The following APP variants were observed in gnomAD, a reference collection of about 807,000 sequenced individuals.
APP encodes amyloid-beta precursor protein.
APP carries 31 observed loss-of-function variants against 101.4 expected under a neutral mutation model. The observed-to-expected ratio is 0.31, with a 90% confidence interval of 0.23 to 0.41. APP has a LOEUF of 0.41. Among genes scored for constraint, APP ranks in the 10% least tolerant of loss-of-function variants. The pLI, the probability that APP is intolerant of heterozygous loss-of-function variation, is 1.00. For synonymous variants in APP, 366 were observed against 364.4 expected, an observed-to-expected ratio of 1.00 and a Z score of -0.05; for missense variants, 839 against 1,003.7, an observed-to-expected ratio of 0.84 and a Z score of 2.22.
intron 3 of APP, among the ~76,000 whole-genome samples, chr21:26,065,447 A>G (rs997431333): frequency 1.3e-5 from 2 of 152,224 alleles, no homozygotes; most frequent in Non-Finnish European, 2.9e-5. Flanking sequence ...AAATATAAGT[A>G]ATGTGGCATT....
chr21:26,074,545 G>A (rs1298883124), intron 3 of APP, among the ~76,000 whole-genome samples: 1 of 152,218 alleles, frequency 6.6e-6, no homozygotes, highest in African/African-American at 2.4e-5. Context: ...GAGGTCAGGA[G>A]ATCGAGACCA....
chr21:25,917,913 A>T (rs1456138101), intron 13 of APP, among the ~76,000 whole-genome samples: 10 of 151,276 alleles, frequency 6.6e-5, no homozygotes, highest in Non-Finnish European at 1.2e-4. Flanking sequence ...GCCAACAAAC[A>T]TATGAAAAAA....
At chr21:26,070,215 G>A (rs1324581302) in intron 3 of APP, among the ~76,000 whole-genome samples, 1 of 152,040 alleles carries the variant, frequency 6.6e-6, no homozygotes, top group Non-Finnish European at 1.5e-5. Flanking sequence ...GTTCAAACAC[G>A]GATAGACCCC....
At chr21:26,056,518 A>G (rs891279203) in intron 3 of APP, among the ~76,000 whole-genome samples, 4 of 152,194 alleles carry the variant, frequency 2.6e-5, no homozygotes, top group Admixed American at 2.6e-4. Context: ...AGAGGTTGGC[A>G]AACTACTACT....
Position 25,942,460 on chromosome 21 carries a change from G to C in APP, c.1687+12130C>G, listed in dbSNP as rs1258849191. The C allele has an allele frequency of 6.6e-5, 10 of 152,302 alleles. No individual in the cohort carries two copies. The East Asian group carries it at 1.9e-3, about 29-fold the overall frequency. 9.4% of individuals were successfully genotyped at this position (152,302 alleles called of 1,614,324 possible). A position where few individuals can be genotyped will look rare whatever the true frequency, so the allele number is the denominator to read the frequency against. On this transcript the variant is annotated intron_variant, in intron 13 of 17. Coordinates refer to ENST00000346798, the MANE Select transcript of APP (RefSeq NM_000484.4). ...GCTAATAAATTTCAGCAAACGATAGGAGTAAGAACGGCTGTCTAACGAGAC... is the reference window on the plus strand; with the variant it reads ...GCTAATAAATTTCAGCAAACGATAGCAGTAAGAACGGCTGTCTAACGAGAC...
chr21:25,893,833 G>A (rs1360551997), intron 16 of APP, among the ~76,000 whole-genome samples: 1 of 152,206 alleles, frequency 6.6e-6, no homozygotes, highest in East Asian at 1.9e-4. Flanking sequence ...CTAAATAACA[G>A]ATTTTCAGTG....
chr21:26,164,855 CA>C (rs75432330), intron 1 of APP, among the ~76,000 whole-genome samples: 12,110 of 67,220 alleles, frequency 0.18, 458 homozygotes, highest in South Asian at 0.27. Flanking sequence ...GATTCTGTCT[CA>C]AAAAAAAAAA....
chr21:26,023,160 T>G (rs1161614282), intron 5 of APP, among the ~76,000 whole-genome samples: 1 of 152,190 alleles, frequency 6.6e-6, no homozygotes, highest in Non-Finnish European at 1.5e-5. Flanking sequence ...GCTTATGTTT[T>G]GTAGAAAACC....
intron 13 of APP, among the ~76,000 whole-genome samples, chr21:25,938,592 T>TA (rs2040447868): frequency 6.6e-6 from 1 of 151,948 alleles, no homozygotes; most frequent in Admixed American, 6.5e-5. Context: ...CAGATCTCTG[T>TA]AGGTCTGAGG....
chr21:25,976,092 A>G, intron 9 of APP, 64 bp from the exon 10 acceptor site: 1 of 1,302,208 alleles, frequency 7.7e-7, no homozygotes, highest in Non-Finnish European at 1.1e-6. Flanking sequence ...CAGACTTAAT[A>G]GGATGGATGA....
intron 2 of APP, among the ~76,000 whole-genome samples, chr21:26,096,028 CA>C (rs2061934169): frequency 6.6e-6 from 1 of 152,208 alleles, no homozygotes. Flanking sequence ...TCAAGTCCTA[CA>C]AATTTTCCTA....
intron 13 of APP, among the ~76,000 whole-genome samples, chr21:25,913,740 C>T (rs573936396): frequency 1.3e-5 from 2 of 152,304 alleles, no homozygotes; most frequent in South Asian, 4.1e-4. Context: ...CACTGTTTCG[C>T]ATACACAGTA....
At chr21:25,956,810 AC>A (rs1170986114) in intron 11 of APP, among the ~76,000 whole-genome samples, 1 of 152,132 alleles carries the variant, frequency 6.6e-6, no homozygotes. Flanking sequence ...TGCTTAGTTA[AC>A]TTAGGAGCCA....
chr21:25,940,952 G>A (rs1432048190), intron 13 of APP, among the ~76,000 whole-genome samples: 1 of 152,182 alleles, frequency 6.6e-6, no homozygotes, highest in Non-Finnish European at 1.5e-5. Flanking sequence ...CGATGCTGAT[G>A]TTGCTAGACT....
chr21:25,967,125 A>T (rs2041825988), intron 11 of APP, among the ~76,000 whole-genome samples: 1 of 152,250 alleles, frequency 6.6e-6, no homozygotes, highest in African/African-American at 2.4e-5. Context: ...CAGAGATCTC[A>T]GCAAAATTTA....
chr21:25,932,922 A>G (rs1475911660), intron 13 of APP, among the ~76,000 whole-genome samples: 5 of 152,316 alleles, frequency 3.3e-5, no homozygotes, highest in African/African-American at 1.2e-4. Flanking sequence ...CAAAAGTCAG[A>G]GCCTCTACGT....
At chr21:25,962,671 TC>T (rs1268413565) in intron 11 of APP, among the ~76,000 whole-genome samples, 4 of 152,252 alleles carry the variant, frequency 2.6e-5, no homozygotes, top group African/African-American at 9.6e-5. Context: ...TTAATGGACT[TC>T]ATAGCGTGCA....
chr21:25,975,733 G>A (rs1018956106), intron 10 of APP, among the ~76,000 whole-genome samples: 1 of 152,224 alleles, frequency 6.6e-6, no homozygotes, highest in Non-Finnish European at 1.5e-5. Context: ...AAGTTACAAT[G>A]TGAGTTTTAT....
chr21:26,166,885 A>T (rs890487364), intron 1 of APP, among the ~76,000 whole-genome samples: 25 of 88,794 alleles, frequency 2.8e-4, no homozygotes, highest in Non-Finnish European at 4.4e-4. Context: ...AGAGAGAGAG[A>T]GAGAGAGAGA....
Sources: gnomAD v4.1 joint callset for allele counts (sites outside exome capture counted in the v4.1 genomes callset) on GRCh38, gnomAD v4.1.1 for gene constraint, MANE v1.5 for transcripts, NCBI Gene and HGNC (gene_info 2026-07-23, HGNC 2026-07-21) for gene names.